PXDNL: variants seen among roughly 807,000 people sequenced by gnomAD.
PXDNL encodes the protein peroxidasin like, also known as probable oxidoreductase PXDNL.
In PXDNL, 145 loss-of-function variants were observed where a neutral mutation model predicts 150.8. The observed-to-expected ratio is 0.96, with a 90% CI of 0.84 to 1.10. The LOEUF is 1.10. Ranked by LOEUF, PXDNL falls within the 50% of genes least tolerant of loss-of-function variation. The probability of loss-of-function intolerance (pLI) is 0.00; values close to 1 mark genes in which losing one functional copy is unlikely to be tolerated. For synonymous variants in PXDNL, 757 were observed against 725.7 expected (o/e 1.04, Z -0.69); for missense variants, 2,087 against 1,873.9 (o/e 1.11, Z -2.10).
At chr8:51,441,578 G>T (rs897746948) in intron 12 of PXDNL, among the ~76,000 whole-genome samples, 1 of 152,018 alleles carries the variant, frequency 6.6e-6, no homozygotes, top group Non-Finnish European at 1.5e-5. Flanking sequence ...TTATTTTAGT[G>T]CAAAAAAAAT....
intron 3 of PXDNL, among the ~76,000 whole-genome samples, chr8:51,559,163 C>T (rs961843822): frequency 6.6e-6 from 1 of 151,834 alleles, no homozygotes; most frequent in Admixed American, 6.6e-5. Context: ...TTTTATAATT[C>T]TCAAGTTGTT....
At chr8:51,738,988 T>C (rs968217965) in intron 1 of PXDNL, among the ~76,000 whole-genome samples, 1 of 152,088 alleles carries the variant, frequency 6.6e-6, no homozygotes, top group African/African-American at 2.4e-5. Context: ...AGAAGAGTTA[T>C]TGGCAAAACA....
intron 2 of PXDNL, among the ~76,000 whole-genome samples, chr8:51,639,549 T>C (rs201280952): frequency 1.2e-4 from 19 of 152,098 alleles, no homozygotes; most frequent in African/African-American, 4.3e-4. Context: ...GAAATACAAA[T>C]TACCATCAGA....
At chr8:51,670,737 T>G (rs1474848852) in intron 1 of PXDNL, among the ~76,000 whole-genome samples, 1 of 152,198 alleles carries the variant, frequency 6.6e-6, no homozygotes, top group Non-Finnish European at 1.5e-5. Context: ...ATGAGATTTG[T>G]TAACCCACTG....
chr8:51,579,488 G>A (rs1275373388), intron 3 of PXDNL, among the ~76,000 whole-genome samples: 1 of 151,972 alleles, frequency 6.6e-6, no homozygotes, highest in African/African-American at 2.4e-5. Flanking sequence ...ATCACATACT[G>A]GTGAGAATAT....
intron 19 of PXDNL, among the ~76,000 whole-genome samples, chr8:51,352,565 C>A (rs143084972): frequency 8.5e-4 from 129 of 152,228 alleles, no homozygotes; most frequent in African/African-American, 2.8e-3. Context: ...TGACACTTCC[C>A]CTTTGCTCTC....
At chr8:51,785,077 C>T (rs1195645559) in intron 1 of PXDNL, among the ~76,000 whole-genome samples, 1 of 152,120 alleles carries the variant, frequency 6.6e-6, no homozygotes, top group African/African-American at 2.4e-5. Flanking sequence ...CCTGGGCTTA[C>T]CATCAAGATC....
chr8:51,409,020 C>T lies in PXDNL; in HGVS notation c.2604G>A (p.Ala868=), dbSNP rs764592107. The change falls in exon 17 of 23, where the codon GCG becomes GCA. Residue 868 remains alanine (A), a synonymous_variant. Transcript: ENST00000356297. ...TCGCAGAGGGACGGCCGCTGGCACA[C>T]GCGGGGCTGGAGCGCGCGAAGAGCA... The part of the protein sequence containing the change: ...PCMLFARSSP[A]CASGRPSATV... 2 of 1,610,854 alleles carry T rather than the reference C, an allele frequency of 1.2e-6. No homozygotes were observed. The highest frequency in any genetic ancestry group is 8.5e-7 in the Non-Finnish European group (1 of 1,179,812).
chr8:51,463,300 G>C (rs1429880600), intron 8 of PXDNL, among the ~76,000 whole-genome samples: 1 of 152,138 alleles, frequency 6.6e-6, no homozygotes, highest in Non-Finnish European at 1.5e-5. Flanking sequence ...AATGTAAATA[G>C]TCTAAATGGT....
rs572335939 is a variant in PXDNL, at chr8:51,474,018, T to C, written c.694+954A>G. On this transcript the variant is annotated intron_variant, in intron 7 of 22. Transcript: ENST00000356297. Reference sequence around the variant, plus strand: ...TGTGGTTTGAACTGGAAGTTAGTAGTAAAGATGGGAGCTATGGACAAGCTT... The same window carrying C: ...TGTGGTTTGAACTGGAAGTTAGTAGCAAAGATGGGAGCTATGGACAAGCTT... Among the ~76,000 whole-genome samples the C allele has an allele frequency of 1.4e-3, 220 of 152,274 alleles. 1 individual carries two copies. The highest frequency in any genetic ancestry group is 2.6e-3 in the Admixed American group (40 of 15,292).
intron 1 of PXDNL, among the ~76,000 whole-genome samples, chr8:51,702,052 AAAAT>A (rs1368557377): frequency 6.6e-6 from 1 of 152,224 alleles, no homozygotes; most frequent in East Asian, 1.9e-4. Flanking sequence ...CAATACTAGA[AAAAT>A]AAATGTTTTC....
intron 4 of PXDNL, among the ~76,000 whole-genome samples, chr8:51,514,248 T>C (rs1267105612): frequency 2.0e-5 from 3 of 152,208 alleles, no homozygotes; most frequent in Non-Finnish European, 2.9e-5. Context: ...GGAAAGATAC[T>C]AGGACAAAAC....
rs1188764213 is a variant in PXDNL, at chr8:51,603,500, C to T, written c.237-10802G>A. Among the ~76,000 whole-genome samples the T allele has an allele frequency of 2.6e-5, 4 of 151,874 alleles. 1 individual carries two copies. Among genetic ancestry groups the T allele is most frequent in the Admixed American group, 2.0e-4 (3 of 15,246 alleles). On this transcript the variant is annotated intron_variant, in intron 2 of 22. Coordinates refer to ENST00000356297, the MANE Select transcript of PXDNL (RefSeq NM_144651.5). Reference sequence around the variant, plus strand: ...GTTTGCTAAGTTGGATATTTTCTTTCATCATATTTTGTAACAGATGACTTT... The same window carrying T: ...GTTTGCTAAGTTGGATATTTTCTTTTATCATATTTTGTAACAGATGACTTT...
intron 16 of PXDNL, among the ~76,000 whole-genome samples, chr8:51,410,070 C>G (rs1808583498): frequency 6.6e-6 from 1 of 152,196 alleles, no homozygotes; most frequent in Non-Finnish European, 1.5e-5. Context: ...AGAATTTTTT[C>G]TCTCAAGTTT....
intron 5 of PXDNL, among the ~76,000 whole-genome samples, chr8:51,493,607 C>A (rs569662720): frequency 1.7e-3 from 260 of 152,226 alleles, no homozygotes; most frequent in African/African-American, 6.0e-3. Flanking sequence ...GAGCTGAAAA[C>A]CAAGGCACAA....
chr8:51,580,997 A>T (rs1490183297), intron 3 of PXDNL, among the ~76,000 whole-genome samples: 1 of 152,170 alleles, frequency 6.6e-6, no homozygotes, highest in Non-Finnish European at 1.5e-5. Flanking sequence ...CCTGAAAAGG[A>T]TTCTCTCACT....
intron 2 of PXDNL, among the ~76,000 whole-genome samples, chr8:51,601,211 G>T (rs764457168): frequency 7.3e-5 from 11 of 151,712 alleles, no homozygotes; most frequent in Non-Finnish European, 1.6e-4. Flanking sequence ...GATCCATGGA[G>T]TATTCCGTAA....
chr8:51,579,921 G>A (rs1274275645), intron 3 of PXDNL, among the ~76,000 whole-genome samples: 1 of 151,488 alleles, frequency 6.6e-6, no homozygotes, highest in Non-Finnish European at 1.5e-5. Context: ...CGAGTTAATG[G>A]GTGCAGCACA....
chr8:51,379,174 G>A (rs534130463), intron 17 of PXDNL, among the ~76,000 whole-genome samples: 24 of 152,064 alleles, frequency 1.6e-4, no homozygotes, highest in African/African-American at 4.3e-4. Flanking sequence ...TGGCAGCTCC[G>A]ATAACTTGTT....
Sources: gnomAD v4.1 joint callset for allele counts (sites outside exome capture counted in the v4.1 genomes callset) on GRCh38, gnomAD v4.1.1 for gene constraint, MANE v1.5 for transcripts, NCBI Gene and HGNC (gene_info 2026-07-23, HGNC 2026-07-21) for gene names.